Variants in ARHGAP28 observed in about 807,000 individuals in gnomAD.
ARHGAP28 encodes rho GTPase-activating protein 28.
A neutral mutation model predicts 90.7 loss-of-function variants in ARHGAP28; 56 were observed. That is an observed-to-expected ratio of 0.62 (90% confidence interval 0.50 to 0.77). The LOEUF is 0.77. Ranked by LOEUF, ARHGAP28 falls within the 30% of genes least tolerant of loss-of-function variation. The probability of loss-of-function intolerance (pLI) is 0.00; values close to 1 mark genes in which losing one functional copy is unlikely to be tolerated. For missense variants in ARHGAP28, 869 were observed against 900.9 expected, an observed-to-expected ratio of 0.96 and a Z score of 0.45; for synonymous variants, 308 against 323.3, an observed-to-expected ratio of 0.95 and a Z score of 0.51.
chr18:6,736,121 C>G (rs62082767), intron 1 of ARHGAP28, among the ~76,000 whole-genome samples: 32,181 of 152,070 alleles, frequency 0.21, 3,642 homozygotes, highest in South Asian at 0.37. Context: ...GATCTTGTCA[C>G]TACAATTCAC....
At chr18:6,858,595 G>A (rs1359485844) in intron 4 of ARHGAP28, among the ~76,000 whole-genome samples, 3 of 151,146 alleles carry the variant, frequency 2.0e-5, no homozygotes, top group Non-Finnish European at 2.9e-5. Flanking sequence ...CCAGTTTGGA[G>A]CGCAATGGCA....
intron 2 of ARHGAP28, among the ~76,000 whole-genome samples, chr18:6,828,153 A>G (rs2056687848): frequency 6.6e-6 from 1 of 152,208 alleles, no homozygotes; most frequent in Non-Finnish European, 1.5e-5. Context: ...GCTGGAGACC[A>G]GCCCGGCCAA....
intron 3 of ARHGAP28, among the ~76,000 whole-genome samples, chr18:6,841,208 C>CTCTCTCTCTCTCCT (rs1555631529): frequency 2.3e-5 from 1 of 43,136 alleles, no homozygotes; most frequent in African/African-American, 9.2e-5. Context: ...TCTCTCCTCT[C>CTCTCTCTCTCTCCT]CTCTCTCTCT....
intron 1 of ARHGAP28, among the ~76,000 whole-genome samples, chr18:6,810,692 A>C (rs1316731342): frequency 6.6e-6 from 1 of 152,124 alleles, no homozygotes; most frequent in Admixed American, 6.6e-5. Flanking sequence ...CTAAACTCTA[A>C]GGTAGGAAAA....
chr18:6,740,940 TGG>T (rs2055971740), intron 1 of ARHGAP28, among the ~76,000 whole-genome samples: 1 of 152,190 alleles, frequency 6.6e-6, no homozygotes. Context: ...TGTGGGCTAC[TGG>T]GTTCGGGGAA....
intron 16 of ARHGAP28, 97 bp from the exon 17 acceptor site, chr18:6,908,863 G>A: frequency 1.4e-6 from 1 of 721,890 alleles, no homozygotes; most frequent in Non-Finnish European, 2.4e-6. Context: ...TTTCGTCAAG[G>A]CAGAATGAAT....
At position 6,825,928 on chromosome 18, in the gene ARHGAP28, T is replaced by G. The variant is rs115363928; in HGVS notation, c.325+964T>G. On this transcript the variant is annotated intron_variant, in intron 2 of 17. Coordinates refer to ENST00000383472, the MANE Select transcript of ARHGAP28 (RefSeq NM_001366230.1). ...TTGGCGATGAACATACAAGTGCATGTGTCTTTTTAGTATAATAATCTATTT... is the reference window on the plus strand; with the variant it reads ...TTGGCGATGAACATACAAGTGCATGGGTCTTTTTAGTATAATAATCTATTT... Among the ~76,000 whole-genome samples, 1,370 of 152,324 alleles carry G rather than the reference T, an allele frequency of 9.0e-3. 14 individuals carry two copies. The highest frequency in any genetic ancestry group is 0.031 in the African/African-American group (1,268 of 41,566).
At chr18:6,761,255 G>A (rs1430545791) in intron 1 of ARHGAP28, among the ~76,000 whole-genome samples, 2 of 152,104 alleles carry the variant, frequency 1.3e-5, no homozygotes, top group African/African-American at 4.8e-5. Flanking sequence ...ACATTTCATA[G>A]GTGTATTCTG....
chr18:6,830,453 A>G (rs2056706462), intron 2 of ARHGAP28, among the ~76,000 whole-genome samples: 1 of 151,942 alleles, frequency 6.6e-6, no homozygotes, highest in South Asian at 2.1e-4. Flanking sequence ...CATTTCTCCT[A>G]AGACTATCCC....
intron 4 of ARHGAP28, among the ~76,000 whole-genome samples, chr18:6,857,594 A>G (rs1567972466): frequency 6.6e-6 from 1 of 152,024 alleles, no homozygotes; most frequent in South Asian, 2.1e-4. Flanking sequence ...GACCATGACT[A>G]TCAATCTGAG....
chr18:6,878,073 C>T (rs865994326), intron 10 of ARHGAP28, among the ~76,000 whole-genome samples: 2 of 151,658 alleles, frequency 1.3e-5, no homozygotes, highest in Non-Finnish European at 2.9e-5. Context: ...TCTAAATCAC[C>T]GAAAGGAGAA....
At position 6,868,332 on chromosome 18, in the gene ARHGAP28, A is replaced by C. The variant is rs2057054748; in HGVS notation, c.811+98A>C. The C allele has an allele frequency of 2.8e-6, 3 of 1,064,376 alleles. No homozygotes were observed. In the African/African-American group the frequency reaches 4.7e-5, roughly 17 times the overall value. The allele number at this position is 1,064,376 out of a possible 1,614,324, so 65.9% of individuals were successfully genotyped here. On this transcript the variant is annotated intron_variant, in intron 6 of 17. Transcript: ENST00000383472. Reference sequence around the variant, plus strand: ...AGTGAATTTCTAAAAGCGAAGTATAAGTGTGCTTTTCTCCCTGTTGTGATT... The same window carrying C: ...AGTGAATTTCTAAAAGCGAAGTATACGTGTGCTTTTCTCCCTGTTGTGATT...
chr18:6,845,382 A>C (rs1041824873), intron 3 of ARHGAP28, among the ~76,000 whole-genome samples: 6 of 152,114 alleles, frequency 3.9e-5, no homozygotes, highest in African/African-American at 1.4e-4. Context: ...ATAAAGGTAA[A>C]TATCTTTCTT....
chr18:6,852,263 A>G (rs1484188885), intron 4 of ARHGAP28, among the ~76,000 whole-genome samples: 1 of 152,240 alleles, frequency 6.6e-6, no homozygotes, highest in Non-Finnish European at 1.5e-5. Context: ...TACAGTAATC[A>G]GAAACCTACC....
At chr18:6,732,815 A>G (rs1041259322) in intron 1 of ARHGAP28, among the ~76,000 whole-genome samples, 2 of 152,208 alleles carry the variant, frequency 1.3e-5, no homozygotes, top group Non-Finnish European at 2.9e-5. Flanking sequence ...GCTGCTTAGG[A>G]TATTGACTAA....
chr18:6,781,059 G>A (rs1011358657), intron 1 of ARHGAP28, among the ~76,000 whole-genome samples: 3 of 152,198 alleles, frequency 2.0e-5, no homozygotes, highest in Non-Finnish European at 4.4e-5. Context: ...ACAGCCAGTC[G>A]ACTTGATCCA....
intron 10 of ARHGAP28, among the ~76,000 whole-genome samples, chr18:6,880,780 A>G (rs1399959121): frequency 6.6e-6 from 1 of 152,158 alleles, no homozygotes; most frequent in Non-Finnish European, 1.5e-5. Flanking sequence ...GCACCAATAC[A>G]TGACTTTTCT....
chr18:6,876,335 C>G (rs1016523322), intron 10 of ARHGAP28, 127 bp downstream of exon 10: 13 of 619,692 alleles, frequency 2.1e-5, no homozygotes, highest in Non-Finnish European at 3.7e-5. Flanking sequence ...TCCTAGTATT[C>G]CTTGGTACCT....
At chr18:6,906,221 A>G (rs1300625733) in intron 16 of ARHGAP28, among the ~76,000 whole-genome samples, 1 of 152,182 alleles carries the variant, frequency 6.6e-6, no homozygotes, top group African/African-American at 2.4e-5. Flanking sequence ...TAGAATACAG[A>G]ACCCAGAAAT....
Sources: gnomAD v4.1 joint callset for allele counts (sites outside exome capture counted in the v4.1 genomes callset) on GRCh38, gnomAD v4.1.1 for gene constraint, MANE v1.5 for transcripts, NCBI Gene and HGNC (gene_info 2026-07-23, HGNC 2026-07-21) for gene names.